PDE3B: variants seen among roughly 807,000 people sequenced by gnomAD.
PDE3B encodes phosphodiesterase 3B.
PDE3B carries 66 observed loss-of-function variants against 116.8 expected under a neutral mutation model. The ratio of observed to expected loss-of-function variants is 0.56; its 90% CI spans 0.46 to 0.69. The LOEUF is 0.69. PDE3B is among the 30% of genes least tolerant of loss of function. PDE3B has a pLI of 0.00. For synonymous variants in PDE3B, 595 were observed against 533.6 expected (o/e 1.12, Z -1.59); for missense variants, 1,384 against 1,368.1 (o/e 1.01, Z -0.18).
chr11:14,689,304 A>G (rs946303773), intron 1 of PDE3B, among the ~76,000 whole-genome samples: 2 of 152,152 alleles, frequency 1.3e-5, no homozygotes, highest in Admixed American at 1.3e-4. Flanking sequence ...ATCTAGGTGG[A>G]AAAGACGAGT....
intron 11 of PDE3B, among the ~76,000 whole-genome samples, chr11:14,835,430 G>GT (rs1298305542): frequency 4.0e-5 from 6 of 148,596 alleles, no homozygotes; most frequent in African/African-American, 1.3e-4. Context: ...TTAGTCCTTT[G>GT]TTTTTTTAAA....
intron 1 of PDE3B, among the ~76,000 whole-genome samples, chr11:14,715,471 T>C (rs866537817): frequency 3.3e-5 from 5 of 152,200 alleles, no homozygotes. Context: ...GAAGAGGTCC[T>C]TCACGTCCCT....
intron 1 of PDE3B, among the ~76,000 whole-genome samples, chr11:14,745,790 C>A (rs773812576): frequency 6.6e-6 from 1 of 151,968 alleles, no homozygotes; most frequent in Non-Finnish European, 1.5e-5. Context: ...GCCTGTTTGA[C>A]AGGAAAAGGA....
chr11:14,884,672 A>G, the PDE3B span, among the ~76,000 whole-genome samples: 1 of 152,130 alleles, frequency 6.6e-6, no homozygotes, highest in African/African-American at 2.4e-5. Flanking sequence ...CCTAAAACTT[A>G]AAGTATAATA....
rs540405636 is a variant in PDE3B at position 14,674,140 on chromosome 11, C to T, written c.978+29087C>T. 2.4e-5 allele frequency: 34 copies of T among 1,429,142 alleles called. No homozygotes were observed. The Middle Eastern group carries it at 7.1e-4, about 30-fold the overall frequency. The allele number at this position is 1,429,142 out of a possible 1,614,324, so 88.5% of individuals were successfully genotyped here. ...CTCATTTTCAACAGTAGGATCTACCCGGGTCCTTTTCTTCCGAGGAGGCCA... is the reference window on the plus strand; with the variant it reads ...CTCATTTTCAACAGTAGGATCTACCTGGGTCCTTTTCTTCCGAGGAGGCCA... On this transcript the variant is annotated intron_variant, in intron 1 of 15. Coordinates refer to ENST00000282096, the MANE Select transcript of PDE3B (RefSeq NM_000922.4).
chr11:14,690,779 AT>A (rs1855022288), intron 1 of PDE3B, among the ~76,000 whole-genome samples: 1 of 152,102 alleles, frequency 6.6e-6, no homozygotes, highest in Non-Finnish European at 1.5e-5. Context: ...AGGCAGTTGC[AT>A]TTGGCAATTC....
At chr11:14,855,170 A>T (rs1847825702) in intron 12 of PDE3B, among the ~76,000 whole-genome samples, 1 of 152,176 alleles carries the variant, frequency 6.6e-6, no homozygotes, top group African/African-American at 2.4e-5. Flanking sequence ...GAATATAGGG[A>T]AGGAGAAGAT....
At chr11:14,670,617 A>G (rs1413080651) in intron 1 of PDE3B, among the ~76,000 whole-genome samples, 1 of 152,188 alleles carries the variant, frequency 6.6e-6, no homozygotes, top group Non-Finnish European at 1.5e-5. Context: ...GGAAGTTTTC[A>G]GGAAAACATC....
chr11:14,707,110 G>A (rs1385464022), intron 1 of PDE3B, among the ~76,000 whole-genome samples: 1 of 151,962 alleles, frequency 6.6e-6, no homozygotes, highest in Admixed American at 6.6e-5. Flanking sequence ...ATAGTAATAA[G>A]TGATGAGAAG....
intron 1 of PDE3B, among the ~76,000 whole-genome samples, chr11:14,739,919 A>T (rs1461058467): frequency 6.6e-6 from 1 of 152,112 alleles, no homozygotes; most frequent in Non-Finnish European, 1.5e-5. Context: ...TGATTTGTGT[A>T]TGTTGAACTA....
At chr11:14,748,334 TGAA>T (rs1315125804) in intron 1 of PDE3B, among the ~76,000 whole-genome samples, 1 of 152,248 alleles carries the variant, frequency 6.6e-6, no homozygotes, top group Admixed American at 6.5e-5. Context: ...GCAGATGGCC[TGAA>T]GAAGCAGCAT....
chr11:14,806,599 C>T (rs1858933195), intron 5 of PDE3B, among the ~76,000 whole-genome samples: 1 of 151,834 alleles, frequency 6.6e-6, no homozygotes, highest in African/African-American at 2.4e-5. Context: ...GTGGCTCATG[C>T]CTGTAATCCC....
At chr11:14,699,300 A>G (rs1161525899) in intron 1 of PDE3B, 1 of 151,848 alleles carries the variant, frequency 6.6e-6, no homozygotes, top group Non-Finnish European at 1.5e-5. Context: ...TCCATTCATC[A>G]TATACTGATA....
rs12577984 is a variant in PDE3B, at chr11:14,656,378, A to G, written c.978+11325A>G. On this transcript the variant is annotated intron_variant, in intron 1 of 15. Coordinates refer to ENST00000282096, the MANE Select transcript of PDE3B (RefSeq NM_000922.4). The stretch of plus-strand genomic sequence containing the variant: ...ATTTATCATTTACATTTTGGAGTTC[A>G]CAATGGATATCTGTTATTATATTTA... 6.6e-4 allele frequency among the ~76,000 whole-genome samples: 101 copies of G among 152,346 alleles called. 4 individuals are homozygous for G. The East Asian group carries it at 0.011, about 16-fold the overall frequency.
At chr11:14,652,167 G>C (rs1241471562) in intron 1 of PDE3B, among the ~76,000 whole-genome samples, 1 of 152,008 alleles carries the variant, frequency 6.6e-6, no homozygotes, top group Non-Finnish European at 1.5e-5. Context: ...TACAGTGTAA[G>C]GTAATGGTCC....
At chr11:14,792,167 T>C (rs1413465752) in intron 4 of PDE3B, among the ~76,000 whole-genome samples, 1 of 152,142 alleles carries the variant, frequency 6.6e-6, no homozygotes, top group African/African-American at 2.4e-5. Context: ...ATGACAGAGC[T>C]GCAGCCCTTA....
chr11:14,785,820 TA>T (rs1207527103), intron 2 of PDE3B, among the ~76,000 whole-genome samples: 4 of 152,042 alleles, frequency 2.6e-5, no homozygotes, highest in Non-Finnish European at 5.9e-5. Context: ...AACTATAACA[TA>T]TTTTTCTTTA....
chr11:14,667,936 G>A (rs559926992), intron 1 of PDE3B, among the ~76,000 whole-genome samples: 36 of 151,716 alleles, frequency 2.4e-4, no homozygotes, highest in Non-Finnish European at 4.3e-4. Flanking sequence ...CTATTGAATG[G>A]GTAAATATCA....
intron 12 of PDE3B, among the ~76,000 whole-genome samples, chr11:14,847,857 A>T (rs1353418586): frequency 6.6e-6 from 1 of 152,108 alleles, no homozygotes; most frequent in Non-Finnish European, 1.5e-5. Flanking sequence ...TAGCTTACCA[A>T]CCAAAAAGAG....
Sources: allele counts gnomAD v4.1 joint callset (sites outside exome capture counted in the v4.1 genomes callset), GRCh38; gene constraint gnomAD v4.1.1; transcripts MANE v1.5; gene names NCBI Gene and HGNC (gene_info 2026-07-23, HGNC 2026-07-21).